HERC2: variants seen among roughly 807,000 people sequenced by gnomAD.
HERC2 encodes the protein E3 ubiquitin-protein ligase HERC2.
Under a neutral mutation model 537.7 loss-of-function variants are expected in HERC2, and 102 were observed. That is an observed-to-expected ratio of 0.19 (90% CI 0.16 to 0.22). The LOEUF is 0.22. Among genes scored for constraint, HERC2 ranks in the 10% least tolerant of loss-of-function variants. HERC2 has a pLI of 1.00. For missense variants in HERC2, 4,236 were observed against 6,198.2 expected (o/e 0.68, Z 10.63); for synonymous variants, 2,224 against 2,466.2 (o/e 0.90, Z 2.91).
intron 35 of HERC2, among the ~76,000 whole-genome samples, chr15:28,223,826 T>G (rs1284703218): frequency 3.3e-5 from 5 of 152,142 alleles, no homozygotes; most frequent in African/African-American, 1.2e-4. Flanking sequence ...CACAACTTCC[T>G]TGCTTTTTGC....
intron 78 of HERC2, among the ~76,000 whole-genome samples, chr15:28,140,224 C>T (rs1206482939): frequency 6.6e-6 from 1 of 152,140 alleles, no homozygotes. Flanking sequence ...CACTGGAAGC[C>T]TGGGAACGCT....
chr15:28,131,782 T>C (rs1415926908), intron 81 of HERC2, among the ~76,000 whole-genome samples: 1 of 152,152 alleles, frequency 6.6e-6, no homozygotes, highest in Non-Finnish European at 1.5e-5. Flanking sequence ...GTGTGAGCCA[T>C]GTGATATCCT....
At chr15:28,262,837 A>G in intron 15 of HERC2, 81 bp downstream of exon 15, 1 of 1,393,070 alleles carries the variant, frequency 7.2e-7, no homozygotes, top group Non-Finnish European at 9.9e-7. Flanking sequence ...ATGTCAGGTT[A>G]AGAACATAAA....
chr15:28,309,725 G>A (rs1407857408), intron 2 of HERC2, among the ~76,000 whole-genome samples: 1 of 152,082 alleles, frequency 6.6e-6, no homozygotes, highest in South Asian at 2.1e-4. Context: ...ACCTGAAGTA[G>A]AGGATAGAAC....
At chr15:28,236,926 T>A (rs4035913) in intron 26 of HERC2, 37 bp downstream of exon 26, 3 of 1,602,988 alleles carry the variant, frequency 1.9e-6, no homozygotes, top group Admixed American at 1.7e-5. Context: ...TCAAAAAAAA[T>A]AATCTGCTGA....
At chr15:28,161,607 C>T (rs1413228376) in intron 69 of HERC2, among the ~76,000 whole-genome samples, 1 of 152,172 alleles carries the variant, frequency 6.6e-6, no homozygotes, top group Admixed American at 6.5e-5. Flanking sequence ...GCCACATGTG[C>T]CTCAAGTTGA....
At chr15:28,292,168 G>T (rs2076333533) in intron 4 of HERC2, among the ~76,000 whole-genome samples, 1 of 136,860 alleles carries the variant, frequency 7.3e-6, no homozygotes, top group Admixed American at 8.3e-5. Context: ...GGTGGAGATT[G>T]CAATGAGCCA....
Position 28,191,175 on chromosome 15 carries a change from C to T in HERC2, c.8521G>A (p.Asp2841Asn), listed in dbSNP as rs1353995088. Residue 2841 changes from aspartate to asparagine, a missense_variant, in exon 54 of 93, where the codon GAC becomes AAC. Transcript: ENST00000261609. ...ACCAGGGACGGCATGTAGCTACTGT[C>T]AGCAGGATCTACGATCATTTTTAAT... ...HRLKMIVDPA[D>N]SSYMPSLVVV... is the part of the protein sequence containing the mutation. 6.2e-7 allele frequency: 1 copy of T among 1,613,802 alleles called. No individual in the cohort carries two copies. The highest frequency in any genetic ancestry group is 8.5e-7 in the Non-Finnish European group (1 of 1,179,734).
rs528929209 is a variant in HERC2 at position 28,186,929 on chromosome 15, T to C, written c.8650-177A>G. ...TAATGCAGCCACATCTGAGTAATGT[T>C]TACTTCAAAAGAAGTGGTCAACTCA... On this transcript the variant is annotated intron_variant, in intron 55 of 92. Coordinates refer to ENST00000261609, the MANE Select transcript of HERC2 (RefSeq NM_004667.6). 2.0e-5 allele frequency among the ~76,000 whole-genome samples: 3 copies of C among 152,328 alleles called. No individual in the cohort carries two copies. The South Asian group carries it at 6.2e-4, about 32-fold the overall frequency.
chr15:28,157,720 T>C (rs1214136333), intron 69 of HERC2, among the ~76,000 whole-genome samples: 2 of 152,188 alleles, frequency 1.3e-5, no homozygotes, highest in Non-Finnish European at 2.9e-5. Context: ...TTTTGAAGGG[T>C]TTTTTGTGTC....
chr15:28,318,040 T>C (rs575933651), intron 2 of HERC2, among the ~76,000 whole-genome samples: 4 of 152,314 alleles, frequency 2.6e-5, no homozygotes, highest in African/African-American at 9.6e-5. Context: ...ATAACTCCAT[T>C]CTGGACTTAT....
chr15:28,314,980 G>A (rs1458013731), intron 2 of HERC2, among the ~76,000 whole-genome samples: 1 of 152,204 alleles, frequency 6.6e-6, no homozygotes, highest in Non-Finnish European at 1.5e-5. Context: ...AAGGTGAGTT[G>A]TTATAAAAGA....
At chr15:28,257,309 T>G in intron 16 of HERC2, 48 bp from the exon 17 acceptor site, 32 of 1,482,860 alleles carry the variant, frequency 2.2e-5, no homozygotes, top group Middle Eastern at 1.7e-4. Context: ...ATGCAGCTGC[T>G]GGTCTGCTCC....
rs551555233 is a variant in HERC2, at chr15:28,153,337, G to A, written c.10747-507C>T. Among the ~76,000 whole-genome samples the A allele has an allele frequency of 1.4e-4, 21 of 151,348 alleles. No individual in the cohort carries two copies. In the East Asian group the frequency reaches 1.8e-3, roughly 13 times the overall value. On this transcript the variant is annotated intron_variant, in intron 69 of 92. Transcript: ENST00000261609. ...CGTTGCACTCCAGCCTGGGTGACCC[G>A]AGCGAGACTGCGTCTCAAACAAAAA...
At chr15:28,281,895 C>T (rs2076028952) in intron 4 of HERC2, among the ~76,000 whole-genome samples, 1 of 152,078 alleles carries the variant, frequency 6.6e-6, no homozygotes, top group Non-Finnish European at 1.5e-5. Context: ...ATACATCTCC[C>T]TTCTGCTTGG....
rs764004027 is a variant in HERC2, at chr15:28,198,420, T to C, written c.7969A>G (p.Lys2657Glu). 6.2e-7 allele frequency: 1 copy of C among 1,613,360 alleles called. No homozygotes were observed. The highest frequency in any genetic ancestry group is 2.2e-5 in the East Asian group (1 of 44,886). The change falls in exon 50 of 93, where the codon AAA becomes GAA. Residue 2657 changes from lysine to glutamate, a missense_variant. By Grantham distance (56) the Lys-to-Glu change is moderately conservative. This residue lies in a region of HERC2 where 606 missense variants were observed against 884.5 expected (regional missense o/e 0.69). Coordinates refer to ENST00000261609, the MANE Select transcript of HERC2 (RefSeq NM_004667.6). ...VKASVTTPKY[K>E]WGSVTHQSVG... is the part of the protein sequence containing the mutation. ...CTCTGATGAGTCACAGATCCCCATTTGTATTTTGGTGTGGTGACAGAGGCT... is the reference window on the plus strand; with the variant it reads ...CTCTGATGAGTCACAGATCCCCATTCGTATTTTGGTGTGGTGACAGAGGCT...
At chr15:28,125,767 C>A (rs558802129) in intron 83 of HERC2, among the ~76,000 whole-genome samples, 1 of 152,250 alleles carries the variant, frequency 6.6e-6, no homozygotes, top group Admixed American at 6.5e-5. Flanking sequence ...CTCAACCTCC[C>A]CAGCTCAAGT....
intron 5 of HERC2, 74 bp downstream of exon 5, chr15:28,279,994 A>AGCCTC: frequency 1.7e-6 from 2 of 1,210,844 alleles, no homozygotes; most frequent in Non-Finnish European, 2.4e-6. Context: ...TGAAAACCTT[A>AGCCTC]AACTTTCTGA....
intron 38 of HERC2, among the ~76,000 whole-genome samples, chr15:28,217,163 C>T (rs1900017108): frequency 2.0e-5 from 3 of 152,208 alleles, no homozygotes; most frequent in Non-Finnish European, 4.4e-5. Flanking sequence ...CACTGACTTA[C>T]ACTGACTTAC....
Sources: gnomAD v4.1 joint callset for allele counts (sites outside exome capture counted in the v4.1 genomes callset) on GRCh38, gnomAD v4.1.1 for gene constraint, gnomAD v4.1.1 regional missense constraint, MANE v1.5 for transcripts, NCBI Gene and HGNC (gene_info 2026-07-23, HGNC 2026-07-21) for gene names.